PPP1R9A: variants seen among roughly 807,000 people sequenced by gnomAD.
PPP1R9A encodes the protein protein phosphatase 1 regulatory subunit 9A.
A neutral mutation model predicts 141.9 loss-of-function variants in PPP1R9A; 59 were observed. The observed-to-expected ratio is 0.42, with a 90% CI of 0.34 to 0.52. PPP1R9A has a LOEUF of 0.52. Ranked by LOEUF, PPP1R9A falls within the 20% of genes least tolerant of loss-of-function variation. The probability of loss-of-function intolerance (pLI) is 0.10; values close to 1 mark genes in which losing one functional copy is unlikely to be tolerated. For synonymous variants in PPP1R9A, 500 were observed against 569.7 expected (o/e 0.88, Z 1.74); for missense variants, 1,444 against 1,611.9 (o/e 0.90, Z 1.78).
At chr7:94,998,446 A>G (rs1802458445) in intron 2 of PPP1R9A, among the ~76,000 whole-genome samples, 1 of 152,154 alleles carries the variant, frequency 6.6e-6, no homozygotes, top group African/African-American at 2.4e-5. Context: ...TTTTTCTAGC[A>G]TTTGAAATAA....
chr7:95,046,655 A>G (rs1339214353), intron 2 of PPP1R9A, among the ~76,000 whole-genome samples: 2 of 152,168 alleles, frequency 1.3e-5, no homozygotes, highest in African/African-American at 4.8e-5. Context: ...AGCCCAGGGA[A>G]TTCTCTGTCA....
chr7:95,249,625 C>G (rs2153003480), intron 9 of PPP1R9A, among the ~76,000 whole-genome samples: 1 of 152,182 alleles, frequency 6.6e-6, no homozygotes, highest in Non-Finnish European at 1.5e-5. Flanking sequence ...CTCCCTGGCC[C>G]TCTCCACTCC....
intron 7 of PPP1R9A, among the ~76,000 whole-genome samples, chr7:95,222,537 C>G (rs1794605361): frequency 6.6e-6 from 1 of 151,852 alleles, no homozygotes; most frequent in Non-Finnish European, 1.5e-5. Context: ...ATATATTAAT[C>G]AGAAAGGTAG....
chr7:95,074,816 G>A (rs1266960485), intron 2 of PPP1R9A, among the ~76,000 whole-genome samples: 1 of 151,974 alleles, frequency 6.6e-6, no homozygotes, highest in East Asian at 1.9e-4. Flanking sequence ...TTGCTAAATT[G>A]TCCTTCAGGT....
intron 5 of PPP1R9A, among the ~76,000 whole-genome samples, chr7:95,174,279 C>T (rs772185438): frequency 1.3e-5 from 2 of 152,078 alleles, no homozygotes; most frequent in Non-Finnish European, 2.9e-5. Flanking sequence ...AGCCTGTGTA[C>T]TGTTTGAATA....
intron 2 of PPP1R9A, among the ~76,000 whole-genome samples, chr7:95,065,134 T>G (rs895607691): frequency 6.6e-6 from 1 of 152,168 alleles, no homozygotes; most frequent in Non-Finnish European, 1.5e-5. Flanking sequence ...GGCATGCTCA[T>G]AGCTCACTGC....
chr7:95,205,165 G>T (rs920736435), intron 7 of PPP1R9A, among the ~76,000 whole-genome samples: 1 of 152,140 alleles, frequency 6.6e-6, no homozygotes, highest in Non-Finnish European at 1.5e-5. Context: ...GGAGATACAG[G>T]TTAGGATAGG....
rs1416413783 is a variant in PPP1R9A at position 94,988,028 on chromosome 7, G to A, written c.1395+76520G>A. Among the ~76,000 whole-genome samples, 4 of 152,100 alleles carry A rather than the reference G, an allele frequency of 2.6e-5. No individual in the cohort carries two copies. In the East Asian group the frequency reaches 7.7e-4, roughly 29 times the overall value. On this transcript the variant is annotated intron_variant, in intron 2 of 19. Coordinates refer to ENST00000433360, the MANE Select transcript of PPP1R9A (RefSeq NM_001166160.2). ...TTTGATTAAAAAAATAGTTAACACA[G>A]TAAATACTTGGAATTGGATCAGAGG...
intron 2 of PPP1R9A, among the ~76,000 whole-genome samples, chr7:94,992,297 G>T (rs1188447526): frequency 6.6e-6 from 1 of 152,136 alleles, no homozygotes; most frequent in Non-Finnish European, 1.5e-5. Flanking sequence ...TCCATGTTGT[G>T]CAAGTATCAA....
chr7:94,977,371 G>C (rs573102265), intron 2 of PPP1R9A, among the ~76,000 whole-genome samples: 25 of 152,312 alleles, frequency 1.6e-4, no homozygotes, highest in African/African-American at 5.8e-4. Context: ...ATCAAGAATA[G>C]CTGAGGTAGA....
chr7:95,137,415 CAAAAAAAAAA>C (rs33928009), intron 4 of PPP1R9A, among the ~76,000 whole-genome samples: 1 of 91,490 alleles, frequency 1.1e-5, no homozygotes, highest in South Asian at 4.5e-4. Context: ...GACATGAACT[CAAAAAAAAAA>C]AAAAAAAAAA....
chr7:95,027,322 C>T (rs1198163829), intron 2 of PPP1R9A, among the ~76,000 whole-genome samples: 1 of 152,150 alleles, frequency 6.6e-6, no homozygotes, highest in African/African-American at 2.4e-5. Flanking sequence ...TCACGGCTTC[C>T]CTTGGCTATG....
intron 4 of PPP1R9A, among the ~76,000 whole-genome samples, chr7:95,141,121 G>C (rs193209141): frequency 6.6e-6 from 1 of 151,960 alleles, no homozygotes; most frequent in Non-Finnish European, 1.5e-5. Context: ...TCTTATGCAT[G>C]GTGAAATAAG....
intron 18 of PPP1R9A, 44 bp from the exon 19 acceptor site, chr7:95,288,492 G>T (rs1304753091): frequency 6.3e-7 from 1 of 1,593,878 alleles, no homozygotes; most frequent in South Asian, 1.2e-5. Context: ...ATGAGCCATA[G>T]TATCTTGGTC....
In PPP1R9A at chr7:94,911,061, T is replaced by C. The variant is rs1262506358; in HGVS notation, c.948T>C (p.Ile316=). Residue 316 remains isoleucine (I), a synonymous_variant, in exon 2 of 20, where the codon ATT becomes ATC. Transcript: ENST00000433360. Reference sequence around the variant, plus strand: ...CTAATCAACAGACTCCCGACAGCATTGACAAAGATGGTCCTGAAGAACCTT... The same window carrying C: ...CTAATCAACAGACTCCCGACAGCATCGACAAAGATGGTCCTGAAGAACCTT... ...STSNQQTPDS[I]DKDGPEEPCA... 6.2e-7 allele frequency: 1 copy of C among 1,614,054 alleles called. No individual in the cohort carries two copies.
chr7:95,283,945 A>G, intron 16 of PPP1R9A, 73 bp from the exon 17 acceptor site: 1 of 1,271,924 alleles, frequency 7.9e-7, no homozygotes. Flanking sequence ...AACTATATTC[A>G]GAGTCCTTGG....
chr7:95,084,547 G>C (rs549032722), intron 2 of PPP1R9A, among the ~76,000 whole-genome samples: 6 of 151,844 alleles, frequency 4.0e-5, no homozygotes, highest in Non-Finnish European at 7.4e-5. Context: ...GATTTCCACA[G>C]TGTTCACTCC....
chr7:94,930,254 G>T (rs1214856623), intron 2 of PPP1R9A, among the ~76,000 whole-genome samples: 3 of 152,194 alleles, frequency 2.0e-5, no homozygotes, highest in African/African-American at 4.8e-5. Flanking sequence ...ACATTTTGGA[G>T]AAATAGAGTT....
intron 2 of PPP1R9A, among the ~76,000 whole-genome samples, chr7:94,980,605 G>GTTT (rs377511617): frequency 7.2e-6 from 1 of 139,264 alleles, no homozygotes; most frequent in Admixed American, 7.2e-5. Context: ...CCAGTTTAGT[G>GTTT]TTTTTTTTTT....
Sources: gnomAD v4.1 joint callset for allele counts (sites outside exome capture counted in the v4.1 genomes callset) on GRCh38, gnomAD v4.1.1 for gene constraint, MANE v1.5 for transcripts, NCBI Gene and HGNC (gene_info 2026-07-23, HGNC 2026-07-21) for gene names.